The following BNC2 variants were observed in gnomAD, a reference collection of about 807,000 sequenced individuals.
BNC2 encodes zinc finger protein basonuclin-2.
In BNC2, 20 loss-of-function variants were observed where a neutral mutation model predicts 76.3. The ratio of observed to expected loss-of-function variants is 0.26; its 90% CI spans 0.18 to 0.38. The LOEUF (loss-of-function observed/expected upper bound fraction) is 0.38. Ranked by LOEUF, BNC2 falls within the 10% of genes least tolerant of loss-of-function variation. BNC2 has a pLI of 1.00. For missense variants in BNC2, 1,382 were observed against 1,399.8 expected, an observed-to-expected ratio of 0.99 and a Z score of 0.20; for synonymous variants, 582 against 514.8, an observed-to-expected ratio of 1.13 and a Z score of -1.77.
chr9:16,853,124 A>C (rs2136166621), intron 1 of BNC2, among the ~76,000 whole-genome samples: 1 of 152,280 alleles, frequency 6.6e-6, no homozygotes, highest in South Asian at 2.1e-4. Flanking sequence ...TAGAAGATAC[A>C]ATAGTATTCT....
intron 5 of BNC2, among the ~76,000 whole-genome samples, chr9:16,522,439 G>A (rs1391087669): frequency 1.3e-5 from 2 of 152,142 alleles, no homozygotes; most frequent in Non-Finnish European, 2.9e-5. Flanking sequence ...TTTGTTCCAT[G>A]TAAGACCTTA....
At chr9:16,461,208 A>C (rs532761589) in intron 5 of BNC2, among the ~76,000 whole-genome samples, 1 of 152,182 alleles carries the variant, frequency 6.6e-6, no homozygotes, top group African/African-American at 2.4e-5. Flanking sequence ...TTGAATCAGT[A>C]AGTCTTTTTC....
intron 1 of BNC2, among the ~76,000 whole-genome samples, chr9:16,788,419 G>C (rs1306985555): frequency 1.3e-5 from 2 of 151,970 alleles, no homozygotes; most frequent in East Asian, 3.9e-4. Flanking sequence ...CGGGCGTGGT[G>C]GTAGGCTCCT....
chr9:16,744,530 G>A (rs1824945176), intron 1 of BNC2, among the ~76,000 whole-genome samples: 1 of 152,168 alleles, frequency 6.6e-6, no homozygotes, highest in South Asian at 2.1e-4. Context: ...CGCAGTCTCT[G>A]ACCTCAAGTA....
rs1226275913 is a variant in BNC2, at chr9:16,412,005, A to T, written c.*6984T>A. ...ATCATTTGAGTATTTCAATATACAA[A>T]AATAGCAGCCAATCTTTGGGCTCAG... On this transcript the variant is annotated 3_prime_UTR_variant, in exon 7 of 7. Transcript: ENST00000380672. 6.6e-6 allele frequency: 1 copy of T among 152,454 alleles called. No individual in the cohort carries two copies. The highest frequency in any genetic ancestry group is 1.5e-5 in the Non-Finnish European group (1 of 68,040). 9.4% of individuals were successfully genotyped at this position (152,454 alleles called of 1,614,324 possible).
At chr9:16,525,216 C>T (rs1381367916) in intron 5 of BNC2, among the ~76,000 whole-genome samples, 1 of 151,820 alleles carries the variant, frequency 6.6e-6, no homozygotes, top group Non-Finnish European at 1.5e-5. Context: ...ACTCAAGAAT[C>T]AAAAGTCAAT....
rs369030811 is a variant in BNC2 at position 16,491,117 on chromosome 9, A to G, written c.670-53593T>C. On this transcript the variant is annotated intron_variant, in intron 5 of 6. Coordinates refer to ENST00000380672, the MANE Select transcript of BNC2 (RefSeq NM_017637.6). ...AGAATAGAGACTGATACCTGAAATGAGGATGGATCTATGTTAAGCAAGGCA... is the reference window on the plus strand; with the variant it reads ...AGAATAGAGACTGATACCTGAAATGGGGATGGATCTATGTTAAGCAAGGCA... Among the ~76,000 whole-genome samples, 61 of 152,326 alleles carry G rather than the reference A, an allele frequency of 4.0e-4. 2 individuals carry two copies. In the South Asian group the frequency reaches 0.012, roughly 30 times the overall value.
chr9:16,795,790 A>G (rs561135301), intron 1 of BNC2, among the ~76,000 whole-genome samples: 1 of 152,358 alleles, frequency 6.6e-6, no homozygotes, highest in African/African-American at 2.4e-5. Context: ...GCAAACCACT[A>G]AAAATGACAG....
At position 16,782,198 on chromosome 9, in the gene BNC2, T is replaced by C. The variant is rs571754744; in HGVS notation, c.4-43713A>G. 2.7e-3 allele frequency among the ~76,000 whole-genome samples: 405 copies of C among 151,998 alleles called. 3 individuals carry two copies. The highest frequency in any genetic ancestry group is 8.4e-3 in the African/African-American group (348 of 41,430). ...TACTCGGGAGGCTGAGGCAGAAGAA[T>C]TGCTGGGACCCAGGAGGCAGAGGTT... is the stretch of plus-strand genomic sequence containing the variant. On this transcript the variant is annotated intron_variant, in intron 1 of 6. Coordinates refer to ENST00000380672, the MANE Select transcript of BNC2 (RefSeq NM_017637.6).
intron 3 of BNC2, among the ~76,000 whole-genome samples, chr9:16,720,642 CTTAA>C (rs1268619741): frequency 1.3e-5 from 2 of 151,976 alleles, no homozygotes; most frequent in African/African-American, 2.4e-5. Context: ...AACTGATGGG[CTTAA>C]TTAAAGAAAA....
intron 1 of BNC2, among the ~76,000 whole-genome samples, chr9:16,794,105 G>A (rs1263673095): frequency 6.6e-6 from 1 of 152,058 alleles, no homozygotes; most frequent in Non-Finnish European, 1.5e-5. Flanking sequence ...ACCCAGTGCT[G>A]GGTATCAGTG....
intron 6 of BNC2, among the ~76,000 whole-genome samples, chr9:16,427,549 G>A (rs546728376): frequency 1.9e-4 from 29 of 152,178 alleles, no homozygotes; most frequent in Non-Finnish European, 4.0e-4. Flanking sequence ...CAACTGCTTC[G>A]TGTCTACCAT....
chr9:16,775,853 A>T (rs1186712812), intron 1 of BNC2: 1 of 153,464 alleles, frequency 6.5e-6, no homozygotes, highest in Non-Finnish European at 1.5e-5. Flanking sequence ...GGCCTCCACA[A>T]ACTGTAGTCC....
chr9:16,630,181 A>C (rs1279714955), intron 3 of BNC2, among the ~76,000 whole-genome samples: 3 of 146,916 alleles, frequency 2.0e-5, no homozygotes, highest in Non-Finnish European at 4.4e-5. Context: ...TTGAAACAGT[A>C]CACTGATAAA....
intron 6 of BNC2, among the ~76,000 whole-genome samples, chr9:16,429,101 T>C (rs1359557159): frequency 6.6e-6 from 1 of 152,206 alleles, no homozygotes; most frequent in Non-Finnish European, 1.5e-5. Context: ...ATTCATTTAT[T>C]TGAAGCTTGT....
chr9:16,856,401 A>G (rs907550720), intron 1 of BNC2, among the ~76,000 whole-genome samples: 2 of 152,232 alleles, frequency 1.3e-5, no homozygotes, highest in African/African-American at 4.8e-5. Flanking sequence ...TTCAAAGACC[A>G]ATGCACAGAT....
chr9:16,584,103 C>T (rs549418680), intron 3 of BNC2, among the ~76,000 whole-genome samples: 7 of 152,180 alleles, frequency 4.6e-5, no homozygotes, highest in East Asian at 1.9e-4. Flanking sequence ...TCTGATCATT[C>T]GCAGATTAAC....
intron 3 of BNC2, 52 bp from the exon 4 acceptor site, chr9:16,583,137 C>T: frequency 1.4e-6 from 2 of 1,386,392 alleles, no homozygotes; most frequent in Middle Eastern, 1.8e-4. Context: ...AGATACTATA[C>T]TCTTTTCACC....
At position 16,435,524 on chromosome 9, in the gene BNC2, C is replaced by A. The variant is rs1246963661; in HGVS notation, c.2639+31G>T. The A allele has an allele frequency of 2.2e-5, 35 of 1,612,388 alleles. No individual in the cohort carries two copies. The Admixed American group carries it at 5.8e-4, about 27-fold the overall frequency. ...ACTGAAAACTGGCACCCTCCACCCCCAGCAGGAGCAGCCAATGGAGATTTA... is the reference window on the plus strand; with the variant it reads ...ACTGAAAACTGGCACCCTCCACCCCAAGCAGGAGCAGCCAATGGAGATTTA... On this transcript the variant is annotated intron_variant, in intron 6 of 6. Coordinates refer to ENST00000380672, the MANE Select transcript of BNC2 (RefSeq NM_017637.6).
Sources: gnomAD v4.1 joint callset for allele counts (sites outside exome capture counted in the v4.1 genomes callset) on GRCh38, gnomAD v4.1.1 for gene constraint, MANE v1.5 for transcripts, NCBI Gene and HGNC (gene_info 2026-07-23, HGNC 2026-07-21) for gene names.